ATP2B2: variants seen among roughly 807,000 people sequenced by gnomAD.
ATP2B2 encodes ATPase plasma membrane Ca2+ transporting 2.
In ATP2B2, 15 loss-of-function variants were observed where a neutral mutation model predicts 120.0. The observed-to-expected ratio is 0.12, with a 90% confidence interval of 0.08 to 0.19. The LOEUF (loss-of-function observed/expected upper bound fraction) is 0.19, where lower values mean the gene tolerates loss of function less well. ATP2B2 is among the 10% of genes least tolerant of loss of function. The pLI, the probability that ATP2B2 is intolerant of heterozygous loss-of-function variation, is 1.00. For synonymous variants in ATP2B2, 694 were observed against 700.3 expected (o/e 0.99, Z 0.14); for missense variants, 1,045 against 1,719.8 (o/e 0.61, Z 6.94).
At chr3:10,539,307 T>TTA (rs1349819709) in intron 2 of ATP2B2, among the ~76,000 whole-genome samples, 1 of 152,132 alleles carries the variant, frequency 6.6e-6, no homozygotes, top group African/African-American at 2.4e-5. Context: ...CCAAGGTAAT[T>TTA]TATAGATTCA....
chr3:10,354,555 C>T (rs998473533), intron 14 of ATP2B2, among the ~76,000 whole-genome samples: 13 of 152,150 alleles, frequency 8.5e-5, no homozygotes, highest in Admixed American at 2.6e-4. Context: ...CCGGATAACC[C>T]GGCAAATCCC....
At chr3:10,438,700 G>C (rs1331574094) in intron 2 of ATP2B2, among the ~76,000 whole-genome samples, 2 of 152,242 alleles carry the variant, frequency 1.3e-5, no homozygotes, top group African/African-American at 4.8e-5. Context: ...TACCCGCCCT[G>C]TCTGGGCCTC....
rs189114533 is a variant in ATP2B2 at position 10,464,135 on chromosome 3, T to C, written c.-319-14273A>G. Reference sequence around the variant, plus strand: ...GTAGCTCTTCCCCTGACTTGGCATGTCTGTCCCTGGCCACTGCGGAGACGA... The same window carrying C: ...GTAGCTCTTCCCCTGACTTGGCATGCCTGTCCCTGGCCACTGCGGAGACGA... On this transcript the variant is annotated intron_variant, in intron 1 of 22. Coordinates refer to ENST00000360273, the MANE Select transcript of ATP2B2 (RefSeq NM_001001331.4). 9.1e-4 allele frequency among the ~76,000 whole-genome samples: 139 copies of C among 152,306 alleles called. No individual in the cohort carries two copies. The Middle Eastern group carries it at 0.02, about 22-fold the overall frequency.
At chr3:10,383,039 T>G (rs974195249) in intron 8 of ATP2B2, among the ~76,000 whole-genome samples, 1 of 151,556 alleles carries the variant, frequency 6.6e-6, no homozygotes, top group Admixed American at 6.6e-5. Context: ...GGTCTGAGAT[T>G]CTGCATTTCT....
At chr3:10,415,888 A>G (rs11719939) in intron 2 of ATP2B2, among the ~76,000 whole-genome samples, 41,032 of 152,156 alleles carry the variant, frequency 0.27, 5,881 homozygotes, top group Admixed American at 0.34. Context: ...CTGTGTAATT[A>G]TAAGCAGAGG....
chr3:10,488,076 CCTATCCAT>C (rs2065763337), intron 1 of ATP2B2, among the ~76,000 whole-genome samples: 1 of 152,004 alleles, frequency 6.6e-6, no homozygotes, highest in Admixed American at 6.6e-5. Flanking sequence ...AAACCATCCA[CCTATCCAT>C]CTATCCATCC....
At chr3:10,579,897 C>T (rs1416651557) in intron 2 of ATP2B2, among the ~76,000 whole-genome samples, 2 of 152,106 alleles carry the variant, frequency 1.3e-5, no homozygotes, top group African/African-American at 4.8e-5. Flanking sequence ...ACAGTTTCCC[C>T]TTCCATGAAT....
At chr3:10,550,015 CAT>C (rs2067635091) in intron 2 of ATP2B2, among the ~76,000 whole-genome samples, 1 of 152,260 alleles carries the variant, frequency 6.6e-6, no homozygotes, top group African/African-American at 2.4e-5. Flanking sequence ...ATATATTTCT[CAT>C]ATCTTGCTAT....
At chr3:10,399,609 A>G (rs2062153028) in intron 5 of ATP2B2, among the ~76,000 whole-genome samples, 1 of 152,252 alleles carries the variant, frequency 6.6e-6, no homozygotes, top group South Asian at 2.1e-4. Context: ...TTCCTTAACC[A>G]GTGGCACACA....
chr3:10,478,875 C>T (rs918790905), intron 1 of ATP2B2, among the ~76,000 whole-genome samples: 2 of 152,138 alleles, frequency 1.3e-5, no homozygotes, highest in African/African-American at 4.8e-5. Flanking sequence ...TGGGAGGTGA[C>T]TGGATCATGG....
intron 3 of ATP2B2, among the ~76,000 whole-genome samples, chr3:10,532,565 T>C (rs2067233001): frequency 6.6e-6 from 1 of 152,248 alleles, no homozygotes; most frequent in Non-Finnish European, 1.5e-5. Context: ...CACCTATGCC[T>C]GTCAAAAGCT....
chr3:10,512,123 G>C (rs900067349), intron 3 of ATP2B2, among the ~76,000 whole-genome samples: 1 of 152,088 alleles, frequency 6.6e-6, no homozygotes, highest in East Asian at 1.9e-4. Flanking sequence ...CTTGTTCAAG[G>C]GTGCATAGCT....
chr3:10,558,380 G>A (rs2067826074), intron 2 of ATP2B2, among the ~76,000 whole-genome samples: 1 of 152,156 alleles, frequency 6.6e-6, no homozygotes, highest in Admixed American at 6.5e-5. Flanking sequence ...GGACTGCAGG[G>A]AATTAAGTGC....
chr3:10,557,162 C>T (rs746609561), intron 2 of ATP2B2, among the ~76,000 whole-genome samples: 1 of 152,170 alleles, frequency 6.6e-6, no homozygotes, highest in Non-Finnish European at 1.5e-5. Context: ...CTCTGAGATG[C>T]AGAGGTAAAT....
chr3:10,403,360 C>T (rs1320337582), intron 3 of ATP2B2, among the ~76,000 whole-genome samples: 1 of 152,260 alleles, frequency 6.6e-6, no homozygotes, highest in Non-Finnish European at 1.5e-5. Context: ...CTGAGCCTCC[C>T]AGTCTAGGCC....
At chr3:10,406,151 A>G (rs2062402600) in intron 3 of ATP2B2, among the ~76,000 whole-genome samples, 1 of 152,256 alleles carries the variant, frequency 6.6e-6, no homozygotes, top group African/African-American at 2.4e-5. Flanking sequence ...CCAGGACTCA[A>G]ACGAGGGCTC....
At chr3:10,580,975 G>A (rs2068376167) in intron 2 of ATP2B2, among the ~76,000 whole-genome samples, 1 of 152,178 alleles carries the variant, frequency 6.6e-6, no homozygotes, top group Non-Finnish European at 1.5e-5. Flanking sequence ...GAAATTTGCT[G>A]ACCCCCGTCA....
intron 2 of ATP2B2, among the ~76,000 whole-genome samples, chr3:10,419,738 T>C (rs2062909920): frequency 6.6e-6 from 1 of 152,210 alleles, no homozygotes; most frequent in South Asian, 2.1e-4. Context: ...AGGGTTCTTC[T>C]GCTGGGAAGG....
rs2289272 is a variant in ATP2B2, at chr3:10,371,842, G to A, written c.1626C>T (p.Ile542=). Reference sequence around the variant, plus strand: ...TGGTGGTGTAGGCGCTGTTGATGGCGATGGCATTGATCAGCAGCTCCATGG... The same window carrying A: ...TGGTGGTGTAGGCGCTGTTGATGGCAATGGCATTGATCAGCAGCTCCATGG... ...TKTMELLINA[I]AINSAYTTKI... is the part of the protein sequence containing the mutation. The change falls in exon 12 of 23, where the codon ATC becomes ATT. Residue 542 remains isoleucine, a synonymous_variant. Transcript: ENST00000360273. 52,495 of 1,614,114 alleles carry A rather than the reference G, an allele frequency of 0.033. 1,052 individuals are homozygous for A. Among genetic ancestry groups the A allele is most frequent in the South Asian group, 0.065 (5,874 of 91,066 alleles).
Sources: allele counts gnomAD v4.1 joint callset (sites outside exome capture counted in the v4.1 genomes callset), GRCh38; gene constraint gnomAD v4.1.1; transcripts MANE v1.5; gene names NCBI Gene and HGNC (gene_info 2026-07-23, HGNC 2026-07-21).